P2RX6: variants seen among roughly 807,000 people sequenced by gnomAD.
The protein encoded by P2RX6 is purinergic receptor P2X 6.
In P2RX6, 62 loss-of-function variants were observed where a neutral mutation model predicts 54.2. The ratio of observed to expected loss-of-function variants is 1.14; its 90% CI spans 0.93 to 1.41. The LOEUF (loss-of-function observed/expected upper bound fraction) is 1.41, where lower values mean the gene tolerates loss of function less well. Among genes scored for constraint, P2RX6 ranks in the 40% most tolerant of loss-of-function variants. The probability of loss-of-function intolerance (pLI) is 0.00; values close to 1 mark genes in which losing one functional copy is unlikely to be tolerated. For synonymous variants in P2RX6, 211 were observed against 231.9 expected (o/e 0.91, Z 0.82); for missense variants, 541 against 566.3 (o/e 0.96, Z 0.45).
At chr22:21,019,200 G>A (rs189305645) in intron 3 of P2RX6, among the ~76,000 whole-genome samples, 201 of 152,338 alleles carry the variant, frequency 1.3e-3, no homozygotes, top group African/African-American at 3.5e-3. Context: ...TCCTGGGCTG[G>A]AGGGTCGTTG....
At chr22:21,021,535 C>T (rs1927405294) in intron 3 of P2RX6, among the ~76,000 whole-genome samples, 1 of 152,122 alleles carries the variant, frequency 6.6e-6, no homozygotes, top group Non-Finnish European at 1.5e-5. Flanking sequence ...TCTGCTCCGA[C>T]CTCCACCCAA....
In P2RX6 at chr22:21,026,674, T is replaced by C. The variant is rs2148102343; in HGVS notation, c.*57T>C. 1 of 1,525,268 alleles carries C rather than the reference T, an allele frequency of 6.6e-7. No individual in the cohort carries two copies. The highest frequency in any genetic ancestry group is 8.8e-7 in the Non-Finnish European group (1 of 1,132,278). 94.5% of individuals were successfully genotyped at this position (1,525,268 alleles called of 1,614,324 possible). On this transcript the variant is annotated 3_prime_UTR_variant, in exon 12 of 12. Coordinates refer to ENST00000413302, the MANE Select transcript of P2RX6 (RefSeq NM_005446.5). This position sits in a 1 kb window ranked among gnomAD's most constrained non-coding sequence, Gnocchi z 4.0. Reference sequence around the variant, plus strand: ...GGAAGGGCGGGGCCCTGCCTGGGGATCTCAAGGATGAGGCCCCAGCATGGA... The same window carrying C: ...GGAAGGGCGGGGCCCTGCCTGGGGACCTCAAGGATGAGGCCCCAGCATGGA...
chr22:21,016,721 G>A (rs1384487531), intron 2 of P2RX6, among the ~76,000 whole-genome samples: 2 of 151,954 alleles, frequency 1.3e-5, no homozygotes, highest in Non-Finnish European at 2.9e-5. Context: ...GAACTTCCCT[G>A]TAGCCCTGCT....
intron 8 of P2RX6, among the ~76,000 whole-genome samples, chr22:21,024,874 T>TTGTGTG (rs202136058): frequency 1.1e-5 from 1 of 88,044 alleles, no homozygotes; most frequent in African/African-American, 5.5e-5. Context: ...CCTGTTTTTT[T>TTGTGTG]TGTGTTTTTT....
In P2RX6 at chr22:21,017,397, C is replaced by T. The variant is rs76911460; in HGVS notation, c.316-592C>T. The stretch of plus-strand genomic sequence containing the variant: ...TTTCTTTCCAATGTCCTCGGCCACC[C>T]GTTGACCACAGACACAGCTTTCCCT... On this transcript the variant is annotated intron_variant, in intron 2 of 11. Transcript: ENST00000413302. Among the ~76,000 whole-genome samples, 424 of 152,352 alleles carry T rather than the reference C, an allele frequency of 2.8e-3. 3 individuals are homozygous for T. The highest frequency in any genetic ancestry group is 9.8e-3 in the African/African-American group (407 of 41,578).
chr22:21,022,720 C>A lies in P2RX6; in HGVS notation c.432C>A (p.Cys144Ter). ...CTAACTGCTGGGTCGACGAGGACTG[C>A]CCCGAAGGGGAGGGAGGCACACACA... ...PLANCWVDED[C>*]PEGEGGTHSH... The change falls in exon 4 of 12, where the codon TGC becomes TGA. Residue 144 changes from cysteine to a stop codon, truncating the protein, a stop_gained. Coordinates refer to ENST00000413302, the MANE Select transcript of P2RX6 (RefSeq NM_005446.5). LOFTEE classifies it high-confidence loss of function. 1 of 1,579,260 alleles carries A rather than the reference C, an allele frequency of 6.3e-7. No individual in the cohort carries two copies. The highest frequency in any genetic ancestry group is 8.6e-7 in the Non-Finnish European group (1 of 1,163,706).
chr22:21,022,782 C>CA (rs1927649092), intron 4 of P2RX6, 31 bp downstream of exon 4: 12 of 1,538,892 alleles, frequency 7.8e-6, no homozygotes, highest in Non-Finnish European at 1.1e-5. Flanking sequence ...CCAGTGCCCC[C>CA]AGCAGGGTGG....
chr22:21,021,267 G>A (rs1296161376), intron 3 of P2RX6, among the ~76,000 whole-genome samples: 3 of 152,308 alleles, frequency 2.0e-5, no homozygotes, highest in Non-Finnish European at 2.9e-5. Context: ...GTGAGCCACT[G>A]TGCCTGGCAG....
Position 21,015,218 on chromosome 22 carries a change from G to C in P2RX6, c.44G>C (p.Gly15Ala). The change falls in exon 1 of 12, where the codon GGG (glycine) becomes GCG (alanine). Residue 15 changes from glycine to alanine, a missense_variant. This residue lies in a region of P2RX6 where 15 missense variants were observed against 34.8 expected (regional missense o/e 0.43). Coordinates refer to ENST00000413302, the MANE Select transcript of P2RX6 (RefSeq NM_005446.5). ...GGAGCTGGCAGCATGGGCTCCCCAG[G>C]GGCTACGACAGGCTGGGGGCTTCTG... The part of the protein sequence containing the change: ...LAGAGSMGSP[G>A]ATTGWGLLDY... The C allele has an allele frequency of 6.5e-7, 1 of 1,530,286 alleles. No homozygotes were observed. The highest frequency in any genetic ancestry group is 1.3e-5 in the South Asian group (1 of 77,520). 94.8% of individuals were successfully genotyped at this position (1,530,286 alleles called of 1,614,324 possible).
intron 3 of P2RX6, chr22:21,018,493 C>T (rs1009734620): frequency 4.0e-6 from 1 of 252,224 alleles, no homozygotes; most frequent in African/African-American, 2.2e-5. Context: ...TGGAATATCA[C>T]CTCCCCTTGT....
At chr22:21,021,133 CT>C (rs1927324101) in intron 3 of P2RX6, among the ~76,000 whole-genome samples, 1 of 151,994 alleles carries the variant, frequency 6.6e-6, no homozygotes, top group Non-Finnish European at 1.5e-5. Flanking sequence ...TGTTTGTTTT[CT>C]TTTTCTCTTT....
At chr22:21,011,286 G>C (rs534020448), upstream of P2RX6, 4,414 of 559,580 alleles carry the variant, frequency 7.9e-3, 33 homozygotes, top group Non-Finnish European at 9.9e-3. Context: ...CAGAGCACAT[G>C]CTCCCTGGCG....
chr22:21,019,936 G>A (rs780773770), intron 3 of P2RX6, among the ~76,000 whole-genome samples: 61 of 152,224 alleles, frequency 4.0e-4, no homozygotes, highest in Non-Finnish European at 8.7e-4. Context: ...CGCCCTGGGT[G>A]GGCCAGGTTT....
At chr22:21,017,271 C>T (rs1293723188) in intron 2 of P2RX6, among the ~76,000 whole-genome samples, 1 of 152,228 alleles carries the variant, frequency 6.6e-6, no homozygotes, top group Non-Finnish European at 1.5e-5. Context: ...ATCCTAATGG[C>T]TGCCACTCCC....
At chr22:21,018,576 C>T in intron 3 of P2RX6, 1 of 169,642 alleles carries the variant, frequency 5.9e-6, no homozygotes, top group Non-Finnish European at 1.3e-5. Context: ...CACTCTTGCT[C>T]ATGGTGAATT....
chr22:21,012,507 GC>G, upstream of P2RX6: 1 of 571,898 alleles, frequency 1.7e-6, no homozygotes, highest in Non-Finnish European at 3.3e-6. Context: ...CTGCCCACCT[GC>G]CCCAGACCCA....
intron 3 of P2RX6, among the ~76,000 whole-genome samples, chr22:21,020,579 C>CTTTTTTTTTTT (rs371860947): frequency 7.5e-6 from 1 of 132,558 alleles, no homozygotes. Context: ...TGAGCAGAAT[C>CTTTTTTTTTTT]TTTTTTTTTT....
intron 3 of P2RX6, among the ~76,000 whole-genome samples, chr22:21,021,643 G>A (rs1927422002): frequency 6.6e-6 from 1 of 152,094 alleles, no homozygotes; most frequent in Non-Finnish European, 1.5e-5. Flanking sequence ...TGTTCTTCCT[G>A]CTGCCCCTGA....
At chr22:21,021,058 A>G (rs1927307172) in intron 3 of P2RX6, among the ~76,000 whole-genome samples, 1 of 152,110 alleles carries the variant, frequency 6.6e-6, no homozygotes, top group African/African-American at 2.4e-5. Flanking sequence ...CTGGGGTGGG[A>G]AGAAGGTAGT....
Sources: allele counts gnomAD v4.1 joint callset (sites outside exome capture counted in the v4.1 genomes callset), GRCh38; gene constraint gnomAD v4.1.1; regional missense constraint gnomAD v4.1.1; non-coding constraint Gnocchi (gnomAD v3.1); transcripts MANE v1.5; gene names NCBI Gene and HGNC (gene_info 2026-07-23, HGNC 2026-07-21).